UNC13A: variants seen among roughly 807,000 people sequenced by gnomAD.
UNC13A encodes the protein protein unc-13 homolog A.
A neutral mutation model predicts 219.7 loss-of-function variants in UNC13A; 61 were observed. The ratio of observed to expected loss-of-function variants is 0.28; its 90% CI spans 0.23 to 0.34. UNC13A has a LOEUF of 0.34. Among genes scored for constraint, UNC13A ranks in the 10% least tolerant of loss-of-function variants. The pLI, the probability that UNC13A is intolerant of heterozygous loss-of-function variation, is 1.00. For missense variants in UNC13A, 1,476 were observed against 2,270.3 expected (o/e 0.65, Z 7.11); for synonymous variants, 920 against 884.6 (o/e 1.04, Z -0.71).
intron 5 of UNC13A, among the ~76,000 whole-genome samples, chr19:17,668,586 A>C (rs1294595794): frequency 6.6e-6 from 1 of 151,988 alleles, no homozygotes; most frequent in Non-Finnish European, 1.5e-5. Flanking sequence ...TCCTGGGTTC[A>C]AGCGATTCTC....
chr19:17,613,182 A>T (rs2076622751), intron 41 of UNC13A, among the ~76,000 whole-genome samples: 1 of 152,032 alleles, frequency 6.6e-6, no homozygotes, highest in African/African-American at 2.4e-5. Context: ...CAGTGAGCTG[A>T]GATTGCACCA....
At chr19:17,608,173 C>T (rs1271380534) in intron 43 of UNC13A, among the ~76,000 whole-genome samples, 2 of 145,286 alleles carry the variant, frequency 1.4e-5, no homozygotes, top group East Asian at 2.0e-4. Context: ...CAGCCTCCCG[C>T]GTAGCTGGGA....
chr19:17,664,249 C>T (rs2079603105), intron 7 of UNC13A, among the ~76,000 whole-genome samples: 1 of 152,102 alleles, frequency 6.6e-6, no homozygotes, highest in South Asian at 2.1e-4. Context: ...GAAAGACACA[C>T]TAAATTGGAA....
intron 41 of UNC13A, among the ~76,000 whole-genome samples, chr19:17,616,217 T>C (rs2076660448): frequency 6.6e-6 from 1 of 152,162 alleles, no homozygotes; most frequent in Admixed American, 6.5e-5. Flanking sequence ...CTGGAATCGC[T>C]TCTTCCCCAT....
At chr19:17,685,870 C>T (rs541015778) in intron 1 of UNC13A, among the ~76,000 whole-genome samples, 8 of 152,156 alleles carry the variant, frequency 5.3e-5, no homozygotes, top group Middle Eastern at 3.4e-3. Flanking sequence ...GGCAACACGG[C>T]AACCCATCTC....
Position 17,674,589 on chromosome 19 carries a change from C to T in UNC13A, c.152+68G>A. 6.9e-7 allele frequency: 1 copy of T among 1,447,662 alleles called. No homozygotes were observed. Among genetic ancestry groups the T allele is most frequent in the Non-Finnish European group, 9.7e-7 (1 of 1,036,080 alleles). 89.7% of individuals were successfully genotyped at this position (1,447,662 alleles called of 1,614,324 possible). On this transcript the variant is annotated intron_variant, in intron 3 of 43. Transcript: ENST00000519716. This position sits in a 1 kb window ranked among gnomAD's most constrained non-coding sequence, Gnocchi z 5.0. ...CGGGATTCCCCAGTGTCCAGCTCTG[C>T]CCTGAGGGGCCAGCGAGGTGCTGGG...
intron 25 of UNC13A, among the ~76,000 whole-genome samples, chr19:17,636,716 C>G (rs1323547108): frequency 6.6e-6 from 1 of 152,116 alleles, no homozygotes; most frequent in African/African-American, 2.4e-5. Flanking sequence ...CTATCTAAAC[C>G]CAACTGAACA....
intron 9 of UNC13A, among the ~76,000 whole-genome samples, chr19:17,656,997 G>A (rs1412309090): frequency 6.6e-6 from 1 of 152,048 alleles, no homozygotes; most frequent in Non-Finnish European, 1.5e-5. Context: ...CCTGGAAAAA[G>A]TATGGGAAAT....
At position 17,641,701 on chromosome 19, in the gene UNC13A, C is replaced by T. The variant is rs574310795; in HGVS notation, c.2473-145G>A. ...CTACTCTTTTATCCATCCACACACC[C>T]ACCCATCTAACTACCCCAAATTTCA... is the stretch of plus-strand genomic sequence containing the variant. On this transcript the variant is annotated intron_variant, in intron 20 of 43. Coordinates refer to ENST00000519716, the MANE Select transcript of UNC13A (RefSeq NM_001080421.3). The T allele has an allele frequency of 1.7e-5, 13 of 776,882 alleles. No individual in the cohort carries two copies. The Admixed American group carries it at 2.2e-4, about 13-fold the overall frequency. The allele number at this position is 776,882 out of a possible 1,614,324, so 48.1% of individuals were successfully genotyped here. A position where few individuals can be genotyped will look rare whatever the true frequency, so the allele number is the denominator to read the frequency against.
At chr19:17,637,550 G>A (rs1009190093) in intron 25 of UNC13A, among the ~76,000 whole-genome samples, 17 of 151,578 alleles carry the variant, frequency 1.1e-4, no homozygotes, top group Non-Finnish European at 1.9e-4. Context: ...CACCCACCTC[G>A]GCCTCTCAAA....
At chr19:17,614,959 G>C (rs1322203570) in intron 41 of UNC13A, among the ~76,000 whole-genome samples, 1 of 152,152 alleles carries the variant, frequency 6.6e-6, no homozygotes, top group Non-Finnish European at 1.5e-5. Flanking sequence ...AGTAAGAAGG[G>C]GGGAGGGAGG....
chr19:17,647,222 G>T, intron 17 of UNC13A, 43 bp downstream of exon 17: 2 of 1,518,948 alleles, frequency 1.3e-6, no homozygotes, highest in Non-Finnish European at 1.8e-6. Flanking sequence ...AGGTCTCAGA[G>T]GGTGGAGAAG....
intron 12 of UNC13A, among the ~76,000 whole-genome samples, chr19:17,650,932 AATTT>A (rs1340363729): frequency 6.1e-5 from 7 of 114,412 alleles, no homozygotes; most frequent in African/African-American, 2.9e-4. Context: ...ACACCCAGCA[AATTT>A]TTTTTTTTTT....
chr19:17,675,982 C>T (rs928422138), intron 2 of UNC13A, 30 bp downstream of exon 2: 29 of 1,550,490 alleles, frequency 1.9e-5, no homozygotes, highest in East Asian at 2.4e-5. Flanking sequence ...ACAGACAACA[C>T]GGGACAGGAC....
rs961446579 is a variant in UNC13A at position 17,648,323 on chromosome 19, GC to G, written c.1816+107del. The stretch of plus-strand genomic sequence containing the variant: ...CTCACGACGCCCCGCCCCTTGCCCC[GC>G]CCCATGGTGCCCCACCCATCGCCTT... On this transcript the variant is annotated intron_variant, in intron 16 of 43. Transcript: ENST00000519716. The G allele has an allele frequency of 1.1e-3, 48 of 45,668 alleles. No homozygotes were observed. In the African/African-American group the frequency reaches 0.014, roughly 13 times the overall value. The allele number at this position is 45,668 out of a possible 1,614,324, so 2.8% of individuals were successfully genotyped here.
intron 1 of UNC13A, among the ~76,000 whole-genome samples, chr19:17,686,829 A>C: frequency 1.0e-5 from 1 of 99,998 alleles, no homozygotes. Context: ...GGGGGAGGGG[A>C]GGGAGGAGGA....
Position 17,623,542 on chromosome 19 carries a change from G to A in UNC13A, c.4203C>T (p.Ile1401=), listed in dbSNP as rs373253159. 1.0e-4 allele frequency: 139 copies of A among 1,372,664 alleles called. No homozygotes were observed. The highest frequency in any genetic ancestry group is 2.0e-4 in the Admixed American group (9 of 45,910). 85.0% of individuals were successfully genotyped at this position (1,372,664 alleles called of 1,614,324 possible). Residue 1401 remains isoleucine, a splice_region_variant and synonymous_variant, in exon 36 of 44, where the codon ATC becomes ATT. Transcript: ENST00000519716. ...VLPPLTDQTM[I]GNLLRKHGKG... ...GACGGACAGACGGGACTCTACTTAC[G>A]ATCATCTGTCATCCGTGATGGGGGC...
intron 34 of UNC13A, among the ~76,000 whole-genome samples, chr19:17,625,423 G>T (rs146479449): frequency 0.013 from 2,004 of 152,160 alleles, 23 homozygotes; most frequent in Non-Finnish European, 0.022. Flanking sequence ...ATGGATAGGG[G>T]TTGAAGGAGA....
intron 1 of UNC13A, among the ~76,000 whole-genome samples, chr19:17,686,819 G>A (rs1018327366): frequency 4.6e-5 from 7 of 151,890 alleles, no homozygotes; most frequent in African/African-American, 1.7e-4. Flanking sequence ...AATCGGCCGA[G>A]GGGGAGGGGA....
Sources: allele counts gnomAD v4.1 joint callset (sites outside exome capture counted in the v4.1 genomes callset), GRCh38; gene constraint gnomAD v4.1.1; non-coding constraint Gnocchi (gnomAD v3.1); transcripts MANE v1.5; gene names NCBI Gene and HGNC (gene_info 2026-07-23, HGNC 2026-07-21).